The following LANCL2 variants were observed in gnomAD, a reference collection of about 807,000 sequenced individuals.
LANCL2 encodes lanC-like protein 2.
In LANCL2, 33 loss-of-function variants were observed where a neutral mutation model predicts 56.9. The observed-to-expected ratio is 0.58, with a 90% CI of 0.44 to 0.78. The LOEUF (loss-of-function observed/expected upper bound fraction) is 0.78. LANCL2 is among the 30% of genes least tolerant of loss of function. The probability of loss-of-function intolerance (pLI) is 0.00; values close to 1 mark genes in which losing one functional copy is unlikely to be tolerated. For missense variants in LANCL2, 562 were observed against 580.2 expected (o/e 0.97, Z 0.32); for synonymous variants, 233 against 228.2 (o/e 1.02, Z -0.19).
rs370603621 is a variant in LANCL2 at position 55,393,935 on chromosome 7, A to G, written c.322+2025A>G. 4.6e-5 allele frequency: 7 copies of G among 152,242 alleles called. No individual in the cohort carries two copies. In the East Asian group the frequency reaches 5.8e-4, roughly 13 times the overall value. 9.4% of individuals were successfully genotyped at this position (152,242 alleles called of 1,614,324 possible). A position where few individuals can be genotyped will look rare whatever the true frequency, so the allele number is the denominator to read the frequency against. On this transcript the variant is annotated intron_variant, in intron 2 of 8. Coordinates refer to ENST00000254770, the MANE Select transcript of LANCL2 (RefSeq NM_018697.4). ...GGAAAATAACATAGCTATTAGTCTC[A>G]ACGGGTTTCCCCTAACAAGCCTTTT...
chr7:55,410,588 C>T (rs1790459490), intron 5 of LANCL2, among the ~76,000 whole-genome samples: 1 of 152,218 alleles, frequency 6.6e-6, no homozygotes, highest in South Asian at 2.1e-4. Context: ...TACGTCACCC[C>T]TGACATGTGC....
chr7:55,369,458 G>A (rs10249905), intron 1 of LANCL2, among the ~76,000 whole-genome samples: 53,466 of 151,866 alleles, frequency 0.35, 9,871 homozygotes, highest in African/African-American at 0.43. Context: ...GGCTTCTCTG[G>A]GCCATATTTC....
chr7:55,421,886 TA>T (rs1790612665), intron 6 of LANCL2, among the ~76,000 whole-genome samples: 1 of 152,174 alleles, frequency 6.6e-6, no homozygotes, highest in Non-Finnish European at 1.5e-5. Context: ...ATTTTTGCTT[TA>T]TTTTTAATTT....
chr7:55,380,412 ATTGTT>A (rs1179288937), intron 1 of LANCL2, among the ~76,000 whole-genome samples: 3 of 89,352 alleles, frequency 3.4e-5, no homozygotes, highest in African/African-American at 3.0e-4. Flanking sequence ...CATATACTGC[ATTGTT>A]TTTTTTTTTT....
intron 6 of LANCL2, among the ~76,000 whole-genome samples, chr7:55,420,834 C>T (rs1790600298): frequency 6.6e-6 from 1 of 152,216 alleles, no homozygotes; most frequent in African/African-American, 2.4e-5. Context: ...TTTACTCAGT[C>T]ATGGGAGGAG....
At chr7:55,401,550 CTT>C (rs58797958) in intron 5 of LANCL2, among the ~76,000 whole-genome samples, 1 of 51,306 alleles carries the variant, frequency 1.9e-5, no homozygotes, top group Non-Finnish European at 3.2e-5. Flanking sequence ...TTCCAATTTT[CTT>C]TTTTTTTTTT....
intron 5 of LANCL2, among the ~76,000 whole-genome samples, chr7:55,406,523 C>T (rs1790409246): frequency 6.6e-6 from 1 of 152,198 alleles, no homozygotes; most frequent in South Asian, 2.1e-4. Flanking sequence ...ACCTCTTAGC[C>T]TGTCATGACT....
At chr7:55,366,358 ACCTGTCTCCGGG>A (rs1366100055) in intron 1 of LANCL2, 129 bp downstream of exon 1, 1 of 759,254 alleles carries the variant, frequency 1.3e-6, no homozygotes, top group East Asian at 3.3e-5. Flanking sequence ...AGCGCCTAGC[ACCTGTCTCCGGG>A]CCTTCCCGAT....
Position 55,400,096 on chromosome 7 carries a change from A to T in LANCL2, c.670A>T (p.Ile224Phe), listed in dbSNP as rs1305645271. ...TCCAGGCACCGTGTGTGAGTCAGCT[A>T]TTAAAGAGGTACTATGGGGTATGGG... Reference protein sequence around the residue: ...IGPGTVCESAIKEVVNAIIES... With the variant: ...IGPGTVCESAFKEVVNAIIES... The change falls in exon 4 of 9, where the codon ATT (isoleucine) becomes TTT (phenylalanine). Residue 224 changes from isoleucine (I) to phenylalanine (F), a missense_variant. By Grantham distance (21) the Ile-to-Phe change is conservative. Coordinates refer to ENST00000254770, the MANE Select transcript of LANCL2 (RefSeq NM_018697.4). 1 of 1,606,100 alleles carries T rather than the reference A, an allele frequency of 6.2e-7. No homozygotes were observed. The highest frequency in any genetic ancestry group is 8.5e-7 in the Non-Finnish European group (1 of 1,174,734).
chr7:55,385,020 C>T (rs970471686), intron 1 of LANCL2, among the ~76,000 whole-genome samples: 2 of 152,058 alleles, frequency 1.3e-5, no homozygotes, highest in Non-Finnish European at 2.9e-5. Context: ...AACCCTGTCT[C>T]TACACAAAAT....
At position 55,373,577 on chromosome 7, in the gene LANCL2, G is replaced by A. The variant is rs143686527; in HGVS notation, c.204+7348G>A. ...AGCTTCCCAAAGTGTTGGGATTACA[G>A]GTGCAAGCCATTGCACCCAGGGAGT... is the stretch of plus-strand genomic sequence containing the variant. On this transcript the variant is annotated intron_variant, in intron 1 of 8. Coordinates refer to ENST00000254770, the MANE Select transcript of LANCL2 (RefSeq NM_018697.4). Among the ~76,000 whole-genome samples, 871 of 152,222 alleles carry A rather than the reference G, an allele frequency of 5.7e-3. 5 individuals carry two copies. The highest frequency in any genetic ancestry group is 0.018 in the African/African-American group (762 of 41,526).
intron 6 of LANCL2, 84 bp from the exon 7 acceptor site, chr7:55,425,170 T>C (rs1195631016): frequency 6.5e-5 from 90 of 1,384,954 alleles, no homozygotes; most frequent in Non-Finnish European, 7.8e-5. Context: ...TATCATGCCA[T>C]ATTCTAACCA....
chr7:55,416,790 T>C (rs1410621358), intron 6 of LANCL2, among the ~76,000 whole-genome samples: 1 of 152,046 alleles, frequency 6.6e-6, no homozygotes, highest in African/African-American at 2.4e-5. Context: ...TAAAATCTAT[T>C]TTTCAATGTT....
At position 55,373,925 on chromosome 7, in the gene LANCL2, A is replaced by G. The variant is rs144037371; in HGVS notation, c.204+7696A>G. Among the ~76,000 whole-genome samples the G allele has an allele frequency of 7.0e-4, 106 of 152,358 alleles. No homozygotes were observed. In the East Asian group the frequency reaches 0.02, roughly 28 times the overall value. ...CTAGGTTTTGAGCAAATTTTGCTTG[A>G]ATAGAATTGCATATAACAAACCGAG... On this transcript the variant is annotated intron_variant, in intron 1 of 8. Coordinates refer to ENST00000254770, the MANE Select transcript of LANCL2 (RefSeq NM_018697.4).
chr7:55,377,703 T>G (rs1487194397), intron 1 of LANCL2, among the ~76,000 whole-genome samples: 1 of 152,212 alleles, frequency 6.6e-6, no homozygotes, highest in African/African-American at 2.4e-5. Context: ...ATAATACACT[T>G]GGGCATTCTT....
intron 1 of LANCL2, among the ~76,000 whole-genome samples, chr7:55,388,489 T>G (rs911145533): frequency 6.6e-6 from 1 of 152,160 alleles, no homozygotes; most frequent in Non-Finnish European, 1.5e-5. Context: ...GAGGCTGCAG[T>G]GAGCCAAGAT....
In LANCL2 at chr7:55,406,663, C is replaced by G. The variant is rs190941906; in HGVS notation, c.826-5244C>G. Among the ~76,000 whole-genome samples the G allele has an allele frequency of 8.5e-5, 13 of 152,250 alleles. No homozygotes were observed. The East Asian group carries it at 2.5e-3, about 29-fold the overall frequency. On this transcript the variant is annotated intron_variant, in intron 5 of 8. Transcript: ENST00000254770. ...TTTAGTCATGTAAAAGTGGTAGTTT[C>G]AACTGGAGGGTGTCGTTGGAAGGCT...
chr7:55,426,021 G>A (rs1306438814), intron 7 of LANCL2, among the ~76,000 whole-genome samples: 1 of 152,160 alleles, frequency 6.6e-6, no homozygotes, highest in Non-Finnish European at 1.5e-5. Flanking sequence ...TGTCACTCTT[G>A]TTTCCGCTGG....
chr7:55,424,972 C>T (rs942812784), intron 6 of LANCL2, among the ~76,000 whole-genome samples: 3 of 152,150 alleles, frequency 2.0e-5, no homozygotes, highest in Admixed American at 1.3e-4. Flanking sequence ...AGTTTCATCC[C>T]GAAACCATCC....
Sources: gnomAD v4.1 joint callset for allele counts (sites outside exome capture counted in the v4.1 genomes callset) on GRCh38, gnomAD v4.1.1 for gene constraint, MANE v1.5 for transcripts, NCBI Gene and HGNC (gene_info 2026-07-23, HGNC 2026-07-21) for gene names.